Variants in ANKRD13C observed in about 807,000 individuals in gnomAD.
ANKRD13C encodes the protein ankyrin repeat domain 13C.
ANKRD13C carries 16 observed loss-of-function variants against 65.5 expected under a neutral mutation model. The observed-to-expected ratio is 0.24, with a 90% CI of 0.17 to 0.37. ANKRD13C has a LOEUF of 0.37. Ranked by LOEUF, ANKRD13C falls within the 10% of genes least tolerant of loss-of-function variation. The pLI, the probability that ANKRD13C is intolerant of heterozygous loss-of-function variation, is 1.00. For synonymous variants in ANKRD13C, 235 were observed against 238.7 expected (o/e 0.98, Z 0.14); for missense variants, 503 against 655.9 (o/e 0.77, Z 2.55).
chr1:70,261,661 C>T lies in ANKRD13C; in HGVS notation c.*1056G>A, dbSNP rs1418879921. 6.6e-6 allele frequency: 1 copy of T among 152,520 alleles called. No homozygotes were observed. Among genetic ancestry groups the T allele is most frequent in the East Asian group, 1.9e-4 (1 of 5,188 alleles). The allele number at this position is 152,520 out of a possible 1,614,324, so 9.4% of individuals were successfully genotyped here. A position where few individuals can be genotyped will look rare whatever the true frequency, so the allele number is the denominator to read the frequency against. On this transcript the variant is annotated 3_prime_UTR_variant, in exon 13 of 13. Coordinates refer to ENST00000370944, the MANE Select transcript of ANKRD13C (RefSeq NM_030816.5). ...AATCAATCTTGTGTATACTTCTGGA[C>T]TTTAACTTGTAACAAATATATTCTG...
intron 5 of ANKRD13C, among the ~76,000 whole-genome samples, chr1:70,311,049 A>G (rs748881895): frequency 3.9e-5 from 6 of 152,234 alleles, no homozygotes; most frequent in Non-Finnish European, 5.9e-5. Context: ...TGTGAGAAAA[A>G]ACTGATTAAA....
chr1:70,354,487 A>T lies in ANKRD13C; in HGVS notation c.-79T>A. 6.7e-7 allele frequency: 1 copy of T among 1,500,882 alleles called. No individual in the cohort carries two copies. Among genetic ancestry groups the T allele is most frequent in the Non-Finnish European group, 8.9e-7 (1 of 1,128,316 alleles). 93.0% of individuals were successfully genotyped at this position (1,500,882 alleles called of 1,614,324 possible). On this transcript the variant is annotated 5_prime_UTR_variant, in exon 1 of 13. Transcript: ENST00000370944. ...GCTGGCGCTGCGGCGGCACAAGGCG[A>T]TTAGAGCGGTGGCCAAGAGCCTCCA...
chr1:70,297,854 G>A (rs1293875264), intron 7 of ANKRD13C, among the ~76,000 whole-genome samples: 1 of 149,862 alleles, frequency 6.7e-6, no homozygotes, highest in Non-Finnish European at 1.5e-5. Context: ...TGGAGGTTGC[G>A]GTGAGCTGAG....
At chr1:70,318,746 A>G (rs1266205555) in intron 3 of ANKRD13C, among the ~76,000 whole-genome samples, 1 of 145,068 alleles carries the variant, frequency 6.9e-6, no homozygotes, top group Admixed American at 7.3e-5. Context: ...GCAGCGGCGC[A>G]ATCTTGGCTC....
intron 2 of ANKRD13C, among the ~76,000 whole-genome samples, chr1:70,329,341 T>C (rs1345940624): frequency 6.6e-6 from 1 of 151,890 alleles, no homozygotes; most frequent in African/African-American, 2.4e-5. Context: ...GCCAACATAG[T>C]GAAACCCCAT....
intron 9 of ANKRD13C, among the ~76,000 whole-genome samples, chr1:70,282,504 A>T (rs975595119): frequency 6.6e-6 from 1 of 152,214 alleles, no homozygotes; most frequent in Admixed American, 6.5e-5. Context: ...ATAATCTTTT[A>T]TCTTGTTTAA....
Position 70,315,476 on chromosome 1 carries a change from C to T in ANKRD13C, c.663+5G>A. ...GTGCAAAATTAACAAAGAAATATAG[C>T]TTACCTCTTTCAGGGCTTTTAATAA... is the stretch of plus-strand genomic sequence containing the variant. On this transcript the variant is annotated splice_donor_5th_base_variant and intron_variant, in intron 4 of 12. Coordinates refer to ENST00000370944, the MANE Select transcript of ANKRD13C (RefSeq NM_030816.5). The T allele has an allele frequency of 6.3e-7, 1 of 1,593,720 alleles. No individual in the cohort carries two copies. Among genetic ancestry groups the T allele is most frequent in the Non-Finnish European group, 8.6e-7 (1 of 1,167,982 alleles).
intron 1 of ANKRD13C, among the ~76,000 whole-genome samples, chr1:70,348,097 C>T (rs1047268183): frequency 2.0e-5 from 3 of 151,974 alleles, no homozygotes; most frequent in African/African-American, 7.3e-5. Flanking sequence ...GCTTTATAGT[C>T]ACCTCTTCTA....
intron 7 of ANKRD13C, among the ~76,000 whole-genome samples, chr1:70,297,287 A>AT (rs748635051): frequency 0.084 from 8,307 of 98,706 alleles, 504 homozygotes; most frequent in South Asian, 0.16. Flanking sequence ...TCCCTTTCTG[A>AT]TTTTTTTTTT....
At chr1:70,328,604 G>C (rs925419483) in intron 2 of ANKRD13C, among the ~76,000 whole-genome samples, 1 of 152,194 alleles carries the variant, frequency 6.6e-6, no homozygotes, top group African/African-American at 2.4e-5. Flanking sequence ...AGAGGTTGCA[G>C]TGAGCCGAGA....
Position 70,260,018 on chromosome 1 carries a change from C to G in ANKRD13C, c.*2699G>C, listed in dbSNP as rs1678336624. On this transcript the variant is annotated 3_prime_UTR_variant, in exon 13 of 13. Transcript: ENST00000370944. ...TCATTAAATAATCATTATTCATCAC[C>G]CTCCCCCAGTGTGTGAATAATAAAC... 6.6e-6 allele frequency among the ~76,000 whole-genome samples: 1 copy of G among 152,082 alleles called. No individual in the cohort carries two copies. The highest frequency in any genetic ancestry group is 1.5e-5 in the Non-Finnish European group (1 of 68,002).
At chr1:70,321,305 T>C (rs1264569841) in intron 3 of ANKRD13C, among the ~76,000 whole-genome samples, 1 of 152,098 alleles carries the variant, frequency 6.6e-6, no homozygotes, top group Non-Finnish European at 1.5e-5. Context: ...TAAACCACTT[T>C]GAAAATGTAC....
intron 9 of ANKRD13C, among the ~76,000 whole-genome samples, chr1:70,285,529 A>G (rs1679583557): frequency 6.6e-6 from 1 of 152,016 alleles, no homozygotes; most frequent in Non-Finnish European, 1.5e-5. Flanking sequence ...TTTCAAATCT[A>G]GTTCACCATT....
At chr1:70,287,813 T>A (rs994722427) in intron 9 of ANKRD13C, among the ~76,000 whole-genome samples, 1 of 151,828 alleles carries the variant, frequency 6.6e-6, no homozygotes, top group Non-Finnish European at 1.5e-5. Context: ...TTGAGACCAG[T>A]CTGGGCAACA....
At chr1:70,273,546 A>G (rs1030366124) in intron 11 of ANKRD13C, among the ~76,000 whole-genome samples, 5 of 152,268 alleles carry the variant, frequency 3.3e-5, no homozygotes, top group Non-Finnish European at 7.3e-5. Flanking sequence ...AACTACAAAT[A>G]ATCAAAATGT....
At chr1:70,314,211 C>G (rs1249352372) in intron 4 of ANKRD13C, among the ~76,000 whole-genome samples, 1 of 151,120 alleles carries the variant, frequency 6.6e-6, no homozygotes, top group Non-Finnish European at 1.5e-5. Flanking sequence ...CATATAATAT[C>G]TATGAAAAAA....
chr1:70,267,780 C>T (rs1678695447), intron 12 of ANKRD13C, among the ~76,000 whole-genome samples: 1 of 151,950 alleles, frequency 6.6e-6, no homozygotes, highest in African/African-American at 2.4e-5. Context: ...TCTCTTTTTA[C>T]AGCTTCTATA....
intron 7 of ANKRD13C, among the ~76,000 whole-genome samples, chr1:70,297,111 C>A (rs775425338): frequency 6.6e-6 from 1 of 151,732 alleles, no homozygotes; most frequent in Non-Finnish European, 1.5e-5. Flanking sequence ...ATATTTAAGA[C>A]GTTATAAGGA....
chr1:70,334,814 G>A (rs1052560120), intron 2 of ANKRD13C, among the ~76,000 whole-genome samples: 2 of 151,996 alleles, frequency 1.3e-5, no homozygotes, highest in Admixed American at 1.3e-4. Flanking sequence ...GCTGAGGCAG[G>A]AGAGTCGCTT....
Sources: allele counts gnomAD v4.1 joint callset (sites outside exome capture counted in the v4.1 genomes callset), GRCh38; gene constraint gnomAD v4.1.1; transcripts MANE v1.5; gene names NCBI Gene and HGNC (gene_info 2026-07-23, HGNC 2026-07-21).